Variants in DUOX2 observed in about 807,000 individuals in gnomAD.
DUOX2 encodes the protein NADH/NADPH thyroid oxidase p138-tox.
DUOX2 carries 185 observed loss-of-function variants against 183.3 expected under a neutral mutation model. The observed-to-expected ratio is 1.01, with a 90% CI of 0.90 to 1.14. The LOEUF is 1.14. Ranked by LOEUF, DUOX2 falls within the 50% of genes most tolerant of loss-of-function variation. The probability of loss-of-function intolerance (pLI) is 0.00; values close to 1 mark genes in which losing one functional copy is unlikely to be tolerated. For missense variants in DUOX2, 1,999 were observed against 2,022.9 expected (o/e 0.99, Z 0.23); for synonymous variants, 788 against 812.4 (o/e 0.97, Z 0.51).
rs1894248084 is a variant in DUOX2 at position 45,107,408 on chromosome 15, G to C, written c.1630C>G (p.Leu544Val). 2.0e-5 allele frequency: 33 copies of C among 1,614,244 alleles called. No individual in the cohort carries two copies. The highest frequency in any genetic ancestry group is 2.7e-5 in the Non-Finnish European group (32 of 1,180,048). The change falls in exon 14 of 34, where the codon CTG (leucine) becomes GTG (valine). Residue 544 changes from leucine (L) to valine (V), a missense_variant. Coordinates refer to ENST00000389039, the MANE Select transcript of DUOX2 (RefSeq NM_001363711.2). ...DIRNTTLRDV[L>V]VAVINIDPSA... is the part of the protein sequence containing the mutation. ...GGGTCAATGTTGATAACAGCGACCAGCACGTCCCGCAGGGTGGTATTTCGG... is the reference window on the plus strand; with the variant it reads ...GGGTCAATGTTGATAACAGCGACCACCACGTCCCGCAGGGTGGTATTTCGG...
In DUOX2 at chr15:45,103,980, G is replaced by T. The variant is rs370762371; in HGVS notation, c.2634C>A (p.Asp878Glu). 2 of 1,614,144 alleles carry T rather than the reference G, an allele frequency of 1.2e-6. No individual in the cohort carries two copies. Among genetic ancestry groups the T allele is most frequent in the Admixed American group, 1.7e-5 (1 of 60,018 alleles). ...DLDENGFLSK[D>E]EFFTMMRSFI... The stretch of plus-strand genomic sequence containing the variant: ...CATACCGCATCATGGTGAAGAATTC[G>T]TCCTTGGAGAGGAAGCCATTCTCAT... The change falls in exon 20 of 34, where the codon GAC (aspartate) becomes GAA (glutamate). Residue 878 changes from aspartate (D) to glutamate (E), a missense_variant. Coordinates refer to ENST00000389039, the MANE Select transcript of DUOX2 (RefSeq NM_001363711.2).
rs745851409 is a variant in DUOX2 at position 45,108,880 on chromosome 15, A to G, written c.1307T>C (p.Met436Thr). ...GGCCTGGCTATAGCTGGGCAGCCCC[A>G]TATCTCGGCCACGTTGGATGCTGCT... ...VASSIQRGRD[M>T]GLPSYSQALL... Residue 436 changes from methionine (M) to threonine (T), a missense_variant, in exon 12 of 34, where the codon ATG becomes ACG. By Grantham distance (81) the Met-to-Thr change is moderately conservative. Transcript: ENST00000389039. 3.1e-6 allele frequency: 5 copies of G among 1,614,214 alleles called. No homozygotes were observed. In the South Asian group the frequency reaches 5.5e-5, roughly 18 times the overall value.
intron 9 of DUOX2, 45 bp from the exon 10 acceptor site, chr15:45,110,025 A>G: frequency 1.3e-6 from 2 of 1,585,404 alleles, no homozygotes; most frequent in Non-Finnish European, 8.7e-7. Context: ...TTGGAGAAGA[A>G]TCAAAGATGG....
intron 5 of DUOX2, 63 bp from the exon 6 acceptor site, chr15:45,111,648 G>A (rs1595528871): frequency 1.4e-6 from 2 of 1,453,820 alleles, no homozygotes; most frequent in Non-Finnish European, 9.0e-7. Flanking sequence ...GAAGGCCGGG[G>A]CCCGGCGGGT....
intron 3 of DUOX2, 75 bp from the exon 4 acceptor site, chr15:45,112,793 C>A: frequency 1.3e-6 from 2 of 1,596,922 alleles, no homozygotes; most frequent in Non-Finnish European, 8.5e-7. Context: ...CCTAAGCCTC[C>A]CTCAACCCCC....
In DUOX2 at chr15:45,112,677, C is replaced by G. The variant is rs886051198; in HGVS notation, c.202G>C (p.Gly68Arg). The change falls in exon 4 of 34, where the codon GGT becomes CGT. Residue 68 changes from glycine to arginine, a missense_variant. Transcript: ENST00000389039. The part of the protein sequence containing the change: ...QRRVPANYAD[G>R]VYQALEEPQL... ...GGCTCCTCCAGAGCCTGATACACAC[C>G]GTCGGCGTAATTGGCTGGTACGCGG... The G allele has an allele frequency of 1.2e-6, 2 of 1,612,630 alleles. No homozygotes were observed. The highest frequency in any genetic ancestry group is 1.7e-6 in the Non-Finnish European group (2 of 1,179,922).
In DUOX2 at chr15:45,106,126, A is replaced by T; in HGVS notation, c.2147T>A (p.Leu716Gln). ...LLLKIPKEYD[L>Q]VLLFSSEEER... ...CTGGGGAGGCAGGACGAGCCATACC[A>T]GGTCATACTCCTTAGGGATCTTGAG... The change falls in exon 17 of 34, where the codon CTG becomes CAG. Residue 716 changes from leucine (L) to glutamine (Q), a missense_variant and splice_region_variant. Around this residue, in one of 3 missense-constraint regions of DUOX2, gnomAD observed 1,628 missense variants for 1,608.6 expected, o/e 1.01. Transcript: ENST00000389039. The T allele has an allele frequency of 6.2e-7, 1 of 1,614,170 alleles. No individual in the cohort carries two copies. The highest frequency in any genetic ancestry group is 1.1e-5 in the South Asian group (1 of 91,084).
At chr15:45,112,034 C>A in intron 4 of DUOX2, 79 bp from the exon 5 acceptor site, 1 of 1,548,992 alleles carries the variant, frequency 6.5e-7, no homozygotes, top group South Asian at 1.2e-5. Flanking sequence ...TCCAAGTGTC[C>A]TCAGGAGCCA....
At position 45,095,204 on chromosome 15, in the gene DUOX2, G is replaced by A. The variant is rs1045353397; in HGVS notation, c.4240-113C>T. The A allele has an allele frequency of 2.9e-5, 43 of 1,468,050 alleles. No individual in the cohort carries two copies. In the African/African-American group the frequency reaches 5.9e-4, roughly 20 times the overall value. 90.9% of individuals were successfully genotyped at this position (1,468,050 alleles called of 1,614,324 possible). On this transcript the variant is annotated intron_variant, in intron 31 of 33. Coordinates refer to ENST00000389039, the MANE Select transcript of DUOX2 (RefSeq NM_001363711.2). ...CAGACCACCTGCAGACACCAAAGCT[G>A]TGGCAGGACCCACCAGCCTGATCCC...
intron 2 of DUOX2, 61 bp downstream of exon 2, chr15:45,113,281 C>A: frequency 6.5e-7 from 1 of 1,540,050 alleles, no homozygotes; most frequent in Non-Finnish European, 8.8e-7. Flanking sequence ...CGCACCTCTC[C>A]CCGCCCCACC....
chr15:45,113,514 T>C, intron 1 of DUOX2, 89 bp from the exon 2 acceptor site: 1 of 1,021,520 alleles, frequency 9.8e-7, no homozygotes, highest in Admixed American at 2.0e-5. Flanking sequence ...CTACAGCTAG[T>C]ACTGGAGGAG....
rs2467827 is a variant in DUOX2, at chr15:45,111,501, C to A, written c.598G>T (p.Gly200Trp). The A allele has an allele frequency of 2.1e-5, 32 of 1,551,440 alleles. No individual in the cohort carries two copies. Among genetic ancestry groups the A allele is most frequent in the Non-Finnish European group, 2.7e-5 (31 of 1,151,118 alleles). Residue 200 changes from glycine to tryptophan, a missense_variant, in exon 6 of 34, where the codon GGG becomes TGG. Coordinates refer to ENST00000389039, the MANE Select transcript of DUOX2 (RefSeq NM_001363711.2). ...SWSDALRSFS[G>W]GQLASGPDPA... The stretch of plus-strand genomic sequence containing the variant: ...TCGGGCCCCGACGCCAGCTGTCCCC[C>A]CGAGAAGCTCCGCAGCGCGTCGCTC...
rs777339657 is a variant in DUOX2, at chr15:45,097,298, C to G, written c.3787G>C (p.Val1263Leu). The G allele has an allele frequency of 6.8e-6, 11 of 1,614,272 alleles. No individual in the cohort carries two copies. Among genetic ancestry groups the G allele is most frequent in the African/African-American group, 1.3e-5 (1 of 75,070 alleles). The change falls in exon 29 of 34, where the codon GTG becomes CTG. Residue 1263 changes from valine (V) to leucine (L), a missense_variant. Around this residue, in one of 3 missense-constraint regions of DUOX2, gnomAD observed 1,628 missense variants for 1,608.6 expected, o/e 1.01. Transcript: ENST00000389039. ...TCCACCTTCTTCCGGCTCAGGCTCA[C>G]CAGCTTGTCACCTCCATAGATGATT... is the stretch of plus-strand genomic sequence containing the variant. Reference protein sequence around the residue: ...PAIIYGGDKLVSLSRKKVEIS... With the variant: ...PAIIYGGDKLLSLSRKKVEIS...
chr15:45,107,205 G>A, intron 14 of DUOX2, 140 bp downstream of exon 14: 1 of 1,266,160 alleles, frequency 7.9e-7, no homozygotes, highest in Non-Finnish European at 1.2e-6. Flanking sequence ...CCTGCTGTGG[G>A]AGCCAGCCAA....
At position 45,094,316 on chromosome 15, in the gene DUOX2, T is replaced by C. The variant is rs768372882; in HGVS notation, c.4525-44A>G. On this transcript the variant is annotated intron_variant, in intron 33 of 33. Coordinates refer to ENST00000389039, the MANE Select transcript of DUOX2 (RefSeq NM_001363711.2). Reference sequence around the variant, plus strand: ...GAGAGAGGGGCCTGCAGCCTAAAGGTGCTCACTCTCCTTGGGAAAAGCTGC... The same window carrying C: ...GAGAGAGGGGCCTGCAGCCTAAAGGCGCTCACTCTCCTTGGGAAAAGCTGC... 5 of 1,613,568 alleles carry C rather than the reference T, an allele frequency of 3.1e-6. No homozygotes were observed. In the East Asian group the frequency reaches 8.9e-5, roughly 29 times the overall value.
Position 45,109,368 on chromosome 15 carries a change from A to G in DUOX2, c.1234+156T>C, listed in dbSNP as rs1370888209. Reference sequence around the variant, plus strand: ...GTAAATTAAGCAAAAAAAAAAAAAAAGTTCAAAGTTCATTTTCTTCTTATG... The same window carrying G: ...GTAAATTAAGCAAAAAAAAAAAAAAGGTTCAAAGTTCATTTTCTTCTTATG... On this transcript the variant is annotated intron_variant, in intron 11 of 33. Coordinates refer to ENST00000389039, the MANE Select transcript of DUOX2 (RefSeq NM_001363711.2). 6 of 657,286 alleles carry G rather than the reference A, an allele frequency of 9.1e-6. No individual in the cohort carries two copies. The Admixed American group carries it at 1.7e-4, about 19-fold the overall frequency. 40.7% of individuals were successfully genotyped at this position (657,286 alleles called of 1,614,324 possible). A position where few individuals can be genotyped will look rare whatever the true frequency, so the allele number is the denominator to read the frequency against.
rs149413147 is a variant in DUOX2, at chr15:45,101,941, G to T, written c.2703C>A (p.Ala901=). 129 of 1,614,056 alleles carry T rather than the reference G, an allele frequency of 8.0e-5. No homozygotes were observed. The highest frequency in any genetic ancestry group is 1.7e-4 in the Admixed American group (10 of 60,010). The change falls in exon 21 of 34, where the codon GCC becomes GCA. Residue 901 remains alanine, a synonymous_variant. Coordinates refer to ENST00000389039, the MANE Select transcript of DUOX2 (RefSeq NM_001363711.2). ...CCCGGAACATAGACTCCACCACCTC[G>T]GCCAGCTGGGCCTTGGACAGGCAGT... The part of the protein sequence containing the change: ...SNNCLSKAQL[A]EVVESMFRES...
At position 45,099,071 on chromosome 15, in the gene DUOX2, C is replaced by T. The variant is rs368110723; in HGVS notation, c.3515+312G>A. 101 of 325,280 alleles carry T rather than the reference C, an allele frequency of 3.1e-4. 2 individuals are homozygous for T. Among genetic ancestry groups the T allele is most frequent in the African/African-American group, 2.0e-3 (89 of 45,590 alleles). The allele number at this position is 325,280 out of a possible 1,614,324, so 20.1% of individuals were successfully genotyped here. On this transcript the variant is annotated intron_variant, in intron 26 of 33. Coordinates refer to ENST00000389039, the MANE Select transcript of DUOX2 (RefSeq NM_001363711.2). The stretch of plus-strand genomic sequence containing the variant: ...TTTCGCCCAAGCTGGACTGCAGTGG[C>T]GCTATCCCGGCTCACTGCAAGCTCC...
chr15:45,093,145 C>T lies in DUOX2; in HGVS notation c.*1005G>A, dbSNP rs1324044505. 2.6e-5 allele frequency: 4 copies of T among 152,174 alleles called. No homozygotes were observed. Among genetic ancestry groups the T allele is most frequent in the African/African-American group, 9.7e-5 (4 of 41,434 alleles). 9.4% of individuals were successfully genotyped at this position (152,174 alleles called of 1,614,324 possible). On this transcript the variant is annotated 3_prime_UTR_variant, in exon 34 of 34. Coordinates refer to ENST00000389039, the MANE Select transcript of DUOX2 (RefSeq NM_001363711.2). ...GTATGGAGGGGATGTTTCAGCCTGG[C>T]TCTTGCGTAAGGTGACCAGCTGTCC... is the stretch of plus-strand genomic sequence containing the variant.
Sources: gnomAD v4.1 joint callset for allele counts on GRCh38, gnomAD v4.1.1 for gene constraint, gnomAD v4.1.1 regional missense constraint, MANE v1.5 for transcripts, NCBI Gene and HGNC (gene_info 2026-07-23, HGNC 2026-07-21) for gene names.